Variants in GAS7 observed in about 807,000 individuals in gnomAD.
GAS7 encodes the protein growth arrest specific 7.
In GAS7, 28 loss-of-function variants were observed where a neutral mutation model predicts 71.1. The observed-to-expected ratio is 0.39, with a 90% confidence interval of 0.29 to 0.54. The LOEUF is 0.54. Ranked by LOEUF, GAS7 falls within the 20% of genes least tolerant of loss-of-function variation. The pLI is 0.62. For synonymous variants in GAS7, 258 were observed against 245.8 expected (o/e 1.05, Z -0.46); for missense variants, 436 against 627.8 (o/e 0.69, Z 3.27).
At chr17:10,196,881 G>A (rs545502477) in intron 1 of GAS7, among the ~76,000 whole-genome samples, 2 of 152,290 alleles carry the variant, frequency 1.3e-5, no homozygotes, top group East Asian at 1.9e-4. Context: ...AAAAGCCAGG[G>A]CAGGGCACAC....
chr17:10,095,555 C>T (rs1440157433), intron 1 of GAS7, among the ~76,000 whole-genome samples: 2 of 152,182 alleles, frequency 1.3e-5, no homozygotes, highest in Admixed American at 6.5e-5. Flanking sequence ...GCCGCAGTGG[C>T]TCATGCCTGT....
chr17:9,930,942 T>C (rs1161228523), intron 9 of GAS7, among the ~76,000 whole-genome samples: 1 of 152,212 alleles, frequency 6.6e-6, no homozygotes, highest in Non-Finnish European at 1.5e-5. Context: ...GAGCTTCCTG[T>C]CAACTGAATG....
chr17:9,960,043 A>G (rs2069418809), intron 4 of GAS7, among the ~76,000 whole-genome samples: 1 of 152,086 alleles, frequency 6.6e-6, no homozygotes, highest in South Asian at 2.1e-4. Flanking sequence ...ATTAGCAATT[A>G]TGTTGGGGGC....
intron 2 of GAS7, among the ~76,000 whole-genome samples, chr17:10,008,361 C>T (rs1002606427): frequency 6.6e-6 from 1 of 152,196 alleles, no homozygotes; most frequent in African/African-American, 2.4e-5. Flanking sequence ...ATCACTGACT[C>T]CAGCTAACAG....
At chr17:10,059,728 C>T (rs1285807533) in intron 1 of GAS7, 48 of 985,264 alleles carry the variant, frequency 4.9e-5, no homozygotes, top group South Asian at 9.4e-5. Context: ...AAATCTGACA[C>T]GCTGGTCATT....
chr17:10,158,352 A>AAACAAAC (rs1402016565), intron 1 of GAS7, among the ~76,000 whole-genome samples: 22 of 151,058 alleles, frequency 1.5e-4, no homozygotes, highest in African/African-American at 4.9e-4. Flanking sequence ...AAAAAAAAAA[A>AAACAAAC]AAAAAAAACA....
intron 1 of GAS7, among the ~76,000 whole-genome samples, chr17:10,050,530 G>GA (rs1325618159): frequency 6.6e-6 from 1 of 152,058 alleles, no homozygotes; most frequent in Non-Finnish European, 1.5e-5. Context: ...CCCATGACTA[G>GA]AGGGCTAGCA....
At chr17:10,139,117 A>C (rs554145663) in intron 1 of GAS7, among the ~76,000 whole-genome samples, 1 of 152,230 alleles carries the variant, frequency 6.6e-6, no homozygotes, top group Non-Finnish European at 1.5e-5. Flanking sequence ...GAAAATATAA[A>C]TGCTATCTAA....
At chr17:10,152,693 A>G (rs2074175637) in intron 1 of GAS7, among the ~76,000 whole-genome samples, 1 of 152,162 alleles carries the variant, frequency 6.6e-6, no homozygotes, top group South Asian at 2.1e-4. Flanking sequence ...GCCTCTCTAT[A>G]TTAACATAAA....
Position 9,925,576 on chromosome 17 carries a change from C to G in GAS7, c.1038G>C (p.Arg346=), listed in dbSNP as rs749104331. The G allele has an allele frequency of 6.2e-6, 10 of 1,614,056 alleles. No individual in the cohort carries two copies. The highest frequency in any genetic ancestry group is 3.4e-6 in the Non-Finnish European group (4 of 1,180,024). ...GGGTCTTCATCTCCAGGTCTCTCTG[C>G]CGCTCTGTGAGGGCTTTCCGGGCCT... ...VEKARKALTE[R]QRDLEMKTQQ... Residue 346 remains arginine (R), a synonymous_variant, in exon 11 of 14, where the codon CGG becomes CGC. Coordinates refer to ENST00000432992, the MANE Select transcript of GAS7 (RefSeq NM_201433.2).
intron 2 of GAS7, among the ~76,000 whole-genome samples, chr17:10,017,898 A>G (rs1436303282): frequency 6.6e-6 from 1 of 152,176 alleles, no homozygotes. Context: ...GACCCATAAG[A>G]AAGCTGTCAC....
intron 4 of GAS7, among the ~76,000 whole-genome samples, chr17:9,965,764 G>A (rs1014012548): frequency 3.3e-5 from 5 of 152,160 alleles, no homozygotes; most frequent in South Asian, 4.1e-4. Flanking sequence ...TACCTGGGCC[G>A]ACTGCCCCAG....
intron 11 of GAS7, among the ~76,000 whole-genome samples, chr17:9,924,180 T>C (rs925041284): frequency 6.6e-6 from 1 of 152,200 alleles, no homozygotes; most frequent in Non-Finnish European, 1.5e-5. Flanking sequence ...TTTTGCAATA[T>C]AATTGTTTTT....
chr17:10,164,848 G>GAAAAA (rs755151597), intron 1 of GAS7, among the ~76,000 whole-genome samples: 2 of 106,106 alleles, frequency 1.9e-5, no homozygotes, highest in Admixed American at 1.0e-4. Context: ...ATGAAAAAAG[G>GAAAAA]AAAAAAAAAA....
chr17:10,186,686 G>A (rs532074246), intron 1 of GAS7, among the ~76,000 whole-genome samples: 6 of 152,216 alleles, frequency 3.9e-5, no homozygotes, highest in Admixed American at 6.5e-5. Context: ...GATTACAGGC[G>A]TGAGCCACCG....
At chr17:10,193,133 C>T (rs553842296) in intron 1 of GAS7, among the ~76,000 whole-genome samples, 1 of 151,966 alleles carries the variant, frequency 6.6e-6, no homozygotes, top group Admixed American at 6.6e-5. Context: ...ACTGAACAGC[C>T]CTGGCCTAAA....
intron 2 of GAS7, among the ~76,000 whole-genome samples, chr17:10,014,470 T>C (rs539277830): frequency 4.8e-4 from 73 of 152,192 alleles, no homozygotes; most frequent in Non-Finnish European, 9.1e-4. Context: ...GATAAAGACC[T>C]GACTCCTCAA....
In GAS7 at chr17:9,974,211, C is replaced by T. The variant is rs908874864; in HGVS notation, c.386-4449G>A. ...TTTTCCATTCGACCCTTTCTCCCCACGTAGCAGCTCTCCTCGGACACCCTG... is the reference window on the plus strand; with the variant it reads ...TTTTCCATTCGACCCTTTCTCCCCATGTAGCAGCTCTCCTCGGACACCCTG... On this transcript the variant is annotated intron_variant, in intron 3 of 13. Coordinates refer to ENST00000432992, the MANE Select transcript of GAS7 (RefSeq NM_201433.2). The surrounding 1 kb of genome is among the most constrained non-coding windows in gnomAD (Gnocchi z 4.0). 5.9e-5 allele frequency among the ~76,000 whole-genome samples: 9 copies of T among 152,366 alleles called. No homozygotes were observed. The highest frequency in any genetic ancestry group is 5.8e-4 in the East Asian group (3 of 5,186).
chr17:10,040,157 C>T (rs2072835906), intron 1 of GAS7, among the ~76,000 whole-genome samples: 1 of 152,296 alleles, frequency 6.6e-6, no homozygotes, highest in African/African-American at 2.4e-5. Flanking sequence ...TATGATCGCC[C>T]TCATTTAACA....
Sources: allele counts gnomAD v4.1 joint callset (sites outside exome capture counted in the v4.1 genomes callset), GRCh38; gene constraint gnomAD v4.1.1; non-coding constraint Gnocchi (gnomAD v3.1); transcripts MANE v1.5; gene names NCBI Gene and HGNC (gene_info 2026-07-23, HGNC 2026-07-21).